The following ADGRE5 variants were observed in gnomAD, a reference collection of about 807,000 sequenced individuals.
ADGRE5 encodes the protein CD97 molecule.
In ADGRE5, 72 loss-of-function variants were observed where a neutral mutation model predicts 100.3. The ratio of observed to expected loss-of-function variants is 0.72; its 90% CI spans 0.59 to 0.87. The LOEUF (loss-of-function observed/expected upper bound fraction) is 0.87. Ranked by LOEUF, ADGRE5 falls within the 40% of genes least tolerant of loss-of-function variation. The pLI, the probability that ADGRE5 is intolerant of heterozygous loss-of-function variation, is 0.00. For missense variants in ADGRE5, 959 were observed against 1,094.7 expected (o/e 0.88, Z 1.75); for synonymous variants, 439 against 447.8 (o/e 0.98, Z 0.25).
chr19:14,396,025 C>T lies in ADGRE5; in HGVS notation c.347-317C>T, dbSNP rs185599975. ...GCCCAGGCGCACGGCATGTCCCCTG[C>T]ATTTGGTTCTCAGGAAGGCCCCACC... On this transcript the variant is annotated intron_variant, in intron 4 of 19. Coordinates refer to ENST00000242786, the MANE Select transcript of ADGRE5 (RefSeq NM_078481.4). Among the ~76,000 whole-genome samples the T allele has an allele frequency of 2.6e-5, 4 of 152,348 alleles. No individual in the cohort carries two copies. The East Asian group carries it at 5.8e-4, about 22-fold the overall frequency.
chr19:14,398,674 C>CAAAAA (rs71164256), intron 9 of ADGRE5, among the ~76,000 whole-genome samples: 1 of 53,080 alleles, frequency 1.9e-5, no homozygotes. Context: ...GACTCTGTCT[C>CAAAAA]AAAAAAAAAA....
chr19:14,384,426 T>G (rs1481267268), intron 1 of ADGRE5, among the ~76,000 whole-genome samples: 1 of 152,164 alleles, frequency 6.6e-6, no homozygotes, highest in East Asian at 1.9e-4. Flanking sequence ...AAATGAGTGG[T>G]GAGTCATTCC....
chr19:14,406,261 C>A lies in ADGRE5; in HGVS notation c.1822-70C>A. On this transcript the variant is annotated intron_variant, in intron 14 of 19. Transcript: ENST00000242786. This position sits in a 1 kb window ranked among gnomAD's most constrained non-coding sequence, Gnocchi z 6.0. Reference sequence around the variant, plus strand: ...CCGCCCACTCTCGGGACCTGGCAGGCGACTGGCTCTGGCGCCGCATGCCCC... The same window carrying A: ...CCGCCCACTCTCGGGACCTGGCAGGAGACTGGCTCTGGCGCCGCATGCCCC... The A allele has an allele frequency of 1.6e-6, 2 of 1,240,932 alleles. No individual in the cohort carries two copies. Among genetic ancestry groups the A allele is most frequent in the Non-Finnish European group, 2.2e-6 (2 of 901,560 alleles). 76.9% of individuals were successfully genotyped at this position (1,240,932 alleles called of 1,614,324 possible). A position where few individuals can be genotyped will look rare whatever the true frequency, so the allele number is the denominator to read the frequency against.
chr19:14,390,469 A>G (rs1054301708), intron 3 of ADGRE5, among the ~76,000 whole-genome samples: 8 of 151,880 alleles, frequency 5.3e-5, no homozygotes, highest in African/African-American at 1.9e-4. Context: ...GATTACAGGC[A>G]TGCACCACCA....
chr19:14,402,502 G>A, intron 11 of ADGRE5, 95 bp from the exon 12 acceptor site: 1 of 1,296,384 alleles, frequency 7.7e-7, no homozygotes, highest in Non-Finnish European at 1.1e-6. Context: ...TCATCGTGGT[G>A]GACTGGCTGA....
chr19:14,407,638 CA>C (rs566106681), intron 18 of ADGRE5, among the ~76,000 whole-genome samples: 4,515 of 84,598 alleles, frequency 0.053, 131 homozygotes, highest in Admixed American at 0.18. Flanking sequence ...GACTTGTCTC[CA>C]AAAAAAAAAA....
intron 9 of ADGRE5, among the ~76,000 whole-genome samples, chr19:14,400,661 G>C (rs1056803711): frequency 6.6e-6 from 1 of 151,682 alleles, no homozygotes; most frequent in Non-Finnish European, 1.5e-5. Flanking sequence ...GCATGGTGGC[G>C]GGCACCTGTA....
At chr19:14,386,181 CATCCTGGCTAACATGGTGAA>C (rs1336068816) in intron 1 of ADGRE5, among the ~76,000 whole-genome samples, 1 of 150,902 alleles carries the variant, frequency 6.6e-6, no homozygotes, top group Non-Finnish European at 1.5e-5. Context: ...AGATCGAAAC[CATCCTGGCTAACATGGTGAA>C]ACCCCTTCTC....
At chr19:14,385,570 C>G (rs1023332812) in intron 1 of ADGRE5, among the ~76,000 whole-genome samples, 1 of 152,230 alleles carries the variant, frequency 6.6e-6, no homozygotes. Context: ...TGCTGGGAAC[C>G]GCCACTCCAC....
rs377256419 is a variant in ADGRE5 at position 14,396,386 on chromosome 19, G to A, written c.391G>A (p.Gly131Ser). Reference sequence around the variant, plus strand: ...GAACCCAAGGCTCTGTAAAAGCTACGGCACCTGCGTCAACACCCTTGGCAG... The same window carrying A: ...GAACCCAAGGCTCTGTAAAAGCTACAGCACCTGCGTCAACACCCTTGGCAG... The part of the protein sequence containing the change: ...QQNPRLCKSY[G>S]TCVNTLGSYT... The change falls in exon 5 of 20, where the codon GGC (glycine) becomes AGC (serine). Residue 131 changes from glycine (G) to serine (S), a missense_variant. By Grantham distance (56) the Gly-to-Ser change is moderately conservative. Coordinates refer to ENST00000242786, the MANE Select transcript of ADGRE5 (RefSeq NM_078481.4). 1.5e-4 allele frequency: 241 copies of A among 1,614,260 alleles called. No homozygotes were observed. Among genetic ancestry groups the A allele is most frequent in the African/African-American group, 1.9e-4 (14 of 75,060 alleles).
At position 14,402,756 on chromosome 19, in the gene ADGRE5, T is replaced by C. The variant is rs1976066585; in HGVS notation, c.1343T>C (p.Ile448Thr). 6 of 1,614,110 alleles carry C rather than the reference T, an allele frequency of 3.7e-6. No homozygotes were observed. The highest frequency in any genetic ancestry group is 5.1e-6 in the Non-Finnish European group (6 of 1,180,016). ...QLRRLSAVNS[I>T]FLSHNNTKEL... ...AGACGCCTCTCTGCCGTCAACTCCATCTTTCTGAGCCACAACAACACCAAG... is the reference window on the plus strand; with the variant it reads ...AGACGCCTCTCTGCCGTCAACTCCACCTTTCTGAGCCACAACAACACCAAG... Residue 448 changes from isoleucine (I) to threonine (T), a missense_variant, in exon 12 of 20, where the codon ATC (isoleucine) becomes ACC (threonine). This residue lies in a region of ADGRE5 where 246 missense variants were observed against 242.2 expected (regional missense o/e 1.02). Transcript: ENST00000242786.
At chr19:14,404,348 G>A (rs375626703) in intron 12 of ADGRE5, 35 bp from the exon 13 acceptor site, 15 of 1,588,096 alleles carry the variant, frequency 9.4e-6, no homozygotes, top group Non-Finnish European at 1.3e-5. Flanking sequence ...GTGAGCTCCA[G>A]GCCAACCTTT....
At position 14,408,221 on chromosome 19, in the gene ADGRE5, A is replaced by C. The variant is rs1599638720; in HGVS notation, c.*100A>C. The stretch of plus-strand genomic sequence containing the variant: ...CTTCGTCCACCACTCTACTCCCTCC[A>C]CCCTCCCTCCCTGATCCCGTGTGCC... On this transcript the variant is annotated 3_prime_UTR_variant, in exon 20 of 20. Transcript: ENST00000242786. 1.5e-6 allele frequency: 2 copies of C among 1,303,468 alleles called. No homozygotes were observed. Among genetic ancestry groups the C allele is most frequent in the South Asian group, 1.2e-5 (1 of 80,738 alleles). 80.7% of individuals were successfully genotyped at this position (1,303,468 alleles called of 1,614,324 possible). A position where few individuals can be genotyped will look rare whatever the true frequency, so the allele number is the denominator to read the frequency against.
chr19:14,382,937 T>C (rs1326707707), intron 1 of ADGRE5, among the ~76,000 whole-genome samples: 2 of 151,990 alleles, frequency 1.3e-5, no homozygotes, highest in East Asian at 1.9e-4. Context: ...GGTTTCACCA[T>C]GATGGCCAGG....
chr19:14,404,710 C>T (rs910303169), intron 13 of ADGRE5, 148 bp downstream of exon 13: 11 of 693,310 alleles, frequency 1.6e-5, no homozygotes, highest in African/African-American at 5.5e-5. Flanking sequence ...TCACACCCTT[C>T]GCAGCCTCTT....
intron 9 of ADGRE5, among the ~76,000 whole-genome samples, chr19:14,398,891 G>C (rs571601062): frequency 1.1e-4 from 17 of 151,356 alleles, no homozygotes; most frequent in African/African-American, 4.1e-4. Context: ...GCCCATTCTG[G>C]AGGGCTGTGA....
At chr19:14,384,283 G>T (rs1975255257) in intron 1 of ADGRE5, among the ~76,000 whole-genome samples, 1 of 152,008 alleles carries the variant, frequency 6.6e-6, no homozygotes, top group Admixed American at 6.6e-5. Flanking sequence ...CACCTAAGGG[G>T]TACTAAATTT....
At chr19:14,389,421 A>G (rs1051554327) in intron 3 of ADGRE5, among the ~76,000 whole-genome samples, 3 of 127,228 alleles carry the variant, frequency 2.4e-5, no homozygotes, top group Non-Finnish European at 4.8e-5. Flanking sequence ...GGCAGGAAGG[A>G]AGGAAGGGAG....
At chr19:14,405,433 C>A in intron 13 of ADGRE5, 1 of 313,554 alleles carries the variant, frequency 3.2e-6, no homozygotes, top group Non-Finnish European at 5.9e-6. Flanking sequence ...CATGAGCCAC[C>A]ACACCCAGCC....
Sources: gnomAD v4.1 joint callset for allele counts (sites outside exome capture counted in the v4.1 genomes callset) on GRCh38, gnomAD v4.1.1 for gene constraint, gnomAD v4.1.1 regional missense constraint, Gnocchi (gnomAD v3.1) non-coding constraint, MANE v1.5 for transcripts, NCBI Gene and HGNC (gene_info 2026-07-23, HGNC 2026-07-21) for gene names.